Variants in ABCB1 observed in about 807,000 individuals in gnomAD.
ABCB1 encodes the protein ATP binding cassette subfamily B member 1.
ABCB1 carries 69 observed loss-of-function variants against 142.0 expected under a neutral mutation model. That is an observed-to-expected ratio of 0.49 (90% CI 0.40 to 0.59). The LOEUF is 0.59. Ranked by LOEUF, ABCB1 falls within the 20% of genes least tolerant of loss-of-function variation. The pLI is 0.00. For synonymous variants in ABCB1, 532 were observed against 539.2 expected (o/e 0.99, Z 0.18); for missense variants, 1,326 against 1,554.7 (o/e 0.85, Z 2.47).
At chr7:87,623,867 A>G (rs914552728) in intron 1 of ABCB1, among the ~76,000 whole-genome samples, 3 of 152,138 alleles carry the variant, frequency 2.0e-5, no homozygotes, top group African/African-American at 7.2e-5. Flanking sequence ...ATAAAACACC[A>G]ATGTCCCTCT....
rs544731213 is a variant in ABCB1, at chr7:87,516,956, C to G, written c.2928-291G>C. 2.0e-5 allele frequency among the ~76,000 whole-genome samples: 3 copies of G among 151,896 alleles called. 1 individual carries two copies. The highest frequency in any genetic ancestry group is 7.2e-5 in the African/African-American group (3 of 41,432). ...CTCCCTATATTGCCCAGGCTGGTCT[C>G]GAACTACCGGGCTGAAGTGAACCTC... On this transcript the variant is annotated intron_variant, in intron 23 of 27. Coordinates refer to ENST00000622132, the MANE Select transcript of ABCB1 (RefSeq NM_001348946.2).
At chr7:87,622,970 G>A (rs1820277931) in intron 1 of ABCB1, among the ~76,000 whole-genome samples, 1 of 152,108 alleles carries the variant, frequency 6.6e-6, no homozygotes, top group Admixed American at 6.5e-5. Flanking sequence ...CTTGAGCCCA[G>A]GAGTTCAAGG....
At chr7:87,544,351 A>G in intron 16 of ABCB1, 76 bp from the exon 17 acceptor site, 5 of 1,442,974 alleles carry the variant, frequency 3.5e-6, no homozygotes, top group Non-Finnish European at 4.8e-6. Context: ...CACAAAAATT[A>G]GTAAAGGAAT....
Position 87,624,910 on chromosome 7 carries a change from T to C in ABCB1, c.-330-23832A>G, listed in dbSNP as rs984191738. ...ACACAGCTTGTTTATGGCAAAGTCT[T>C]GGTAAGCAAGTACTAACATGTCAAC... On this transcript the variant is annotated intron_variant, in intron 1 of 28. Transcript: ENST00000265724. Among the ~76,000 whole-genome samples, 4 of 152,240 alleles carry C rather than the reference T, an allele frequency of 2.6e-5. No homozygotes were observed. In the East Asian group the frequency reaches 7.7e-4, roughly 29 times the overall value.
chr7:87,585,528 TG>T lies in ABCB1; in HGVS notation c.269del (p.Ser90Ter), dbSNP rs756121403. ...AATACTTACTTCTATTAGTGATGTT[TG>T]ACATCAGATCTTCTAAATTTCCTGC... ...ANAGNLEDLM[S>X]NITNRSDIND... is the part of the protein sequence containing the mutation. On this transcript the variant is annotated frameshift_variant, in exon 4 of 28. Coordinates refer to ENST00000622132, the MANE Select transcript of ABCB1 (RefSeq NM_001348946.2). LOFTEE classifies it high-confidence loss of function. The T allele has an allele frequency of 6.2e-7, 1 of 1,613,800 alleles. No individual in the cohort carries two copies.
At chr7:87,704,764 T>C (rs1232934209) in intron 1 of ABCB1, among the ~76,000 whole-genome samples, 1 of 152,216 alleles carries the variant, frequency 6.6e-6, no homozygotes, top group East Asian at 1.9e-4. Context: ...TGCCTAGTTA[T>C]GCTGGGAAGA....
chr7:87,539,276 G>T lies in ABCB1; in HGVS notation c.2389C>A (p.Leu797Ile), dbSNP rs751041906. 3 of 1,613,956 alleles carry T rather than the reference G, an allele frequency of 1.9e-6. No homozygotes were observed. The African/African-American group carries it at 4.0e-5, about 22-fold the overall frequency. Residue 797 changes from leucine to isoleucine, a missense_variant, in exon 19 of 28, where the codon CTC (leucine) becomes ATC (isoleucine). By Grantham distance (5) the Leu-to-Ile change is conservative. Coordinates refer to ENST00000622132, the MANE Select transcript of ABCB1 (RefSeq NM_001348946.2). ...GCCCTCGATAGACATACCTGTCTGA[G>T]CATGGATCGGAAAACCATGTATCGG... ...RLRYMVFRSM[L>I]RQDVSWFDDP...
chr7:87,558,421 A>G lies in ABCB1; in HGVS notation c.827+2842T>C, dbSNP rs372807102. On this transcript the variant is annotated intron_variant, in intron 8 of 27. Coordinates refer to ENST00000622132, the MANE Select transcript of ABCB1 (RefSeq NM_001348946.2). Reference sequence around the variant, plus strand: ...AGATCTTATTGTATTTTGTTAGCTTATAAAACCTACTGGAATTTCTGTGTA... The same window carrying G: ...AGATCTTATTGTATTTTGTTAGCTTGTAAAACCTACTGGAATTTCTGTGTA... 2.6e-5 allele frequency among the ~76,000 whole-genome samples: 4 copies of G among 152,328 alleles called. No individual in the cohort carries two copies. The East Asian group carries it at 5.8e-4, about 22-fold the overall frequency.
At chr7:87,519,218 C>A (rs761071267) in intron 23 of ABCB1, 108 bp downstream of exon 23, 6 of 1,126,404 alleles carry the variant, frequency 5.3e-6, no homozygotes, top group African/African-American at 4.6e-5. Context: ...TTAGGAATCA[C>A]CAGAATCTCT....
chr7:87,659,584 A>G (rs886443406), intron 1 of ABCB1, among the ~76,000 whole-genome samples: 1 of 152,118 alleles, frequency 6.6e-6, no homozygotes, highest in Non-Finnish European at 1.5e-5. Flanking sequence ...ACCACCAAAG[A>G]TAATTTAGAA....
Position 87,503,345 on chromosome 7 carries a change from T to C in ABCB1, c.*898A>G, listed in dbSNP as rs918726727. ...AATATATTTTTTTCTTTTTTTATCA[T>C]GTTTGTATCAAGATGTAGTTAAACT... is the stretch of plus-strand genomic sequence containing the variant. On this transcript the variant is annotated 3_prime_UTR_variant, in exon 28 of 28. Transcript: ENST00000622132. Among the ~76,000 whole-genome samples the C allele has an allele frequency of 2.6e-5, 4 of 152,144 alleles. No homozygotes were observed. Among genetic ancestry groups the C allele is most frequent in the African/African-American group, 9.7e-5 (4 of 41,438 alleles).
At chr7:87,629,242 G>A in intron 1 of ABCB1, 1 of 314,092 alleles carries the variant, frequency 3.2e-6, no homozygotes, top group East Asian at 5.0e-5. Context: ...AGTGAAAGAG[G>A]AGGGCAAGGA....
At chr7:87,648,413 A>G (rs912612693) in intron 1 of ABCB1, among the ~76,000 whole-genome samples, 1 of 152,110 alleles carries the variant, frequency 6.6e-6, no homozygotes, top group Non-Finnish European at 1.5e-5. Context: ...TCCCAGAGGA[A>G]GTGACACTGA....
chr7:87,549,547 CA>C (rs1255527810), intron 13 of ABCB1, 29 bp from the exon 14 acceptor site: 19 of 1,614,178 alleles, frequency 1.2e-5, no homozygotes, highest in Non-Finnish European at 1.6e-5. Flanking sequence ...AATGATTTAG[CA>C]TAAGGACAAG....
intron 21 of ABCB1, chr7:87,521,923 G>A (rs1815527558): frequency 1.4e-5 from 11 of 778,778 alleles, no homozygotes; most frequent in Admixed American, 1.0e-4. Flanking sequence ...AACTTTTGAC[G>A]ACCATGACTC....
Position 87,509,304 on chromosome 7 carries a change from T to C in ABCB1, c.3460A>G (p.Ile1154Val), listed in dbSNP as rs1814897754. Reference protein sequence around the residue: ...EIVRAAKEANIHAFIESLPNK... With the variant: ...EIVRAAKEANVHAFIESLPNK... ...GGCAGTGACTCGATGAAGGCATGTATGTTGGCCTCCTTTGCTGCCCTCACA... is the reference window on the plus strand; with the variant it reads ...GGCAGTGACTCGATGAAGGCATGTACGTTGGCCTCCTTTGCTGCCCTCACA... Residue 1154 changes from isoleucine (I) to valine (V), a missense_variant, in exon 26 of 28, where the codon ATA becomes GTA. Ile to Val is a conservative substitution (Grantham distance 29). Transcript: ENST00000622132. 1.2e-6 allele frequency: 2 copies of C among 1,614,050 alleles called. No homozygotes were observed. The highest frequency in any genetic ancestry group is 1.7e-6 in the Non-Finnish European group (2 of 1,180,036).
chr7:87,506,544 GATGC>G (rs1251339293), intron 26 of ABCB1, among the ~76,000 whole-genome samples: 10 of 151,336 alleles, frequency 6.6e-5, no homozygotes, highest in Non-Finnish European at 4.4e-5. Context: ...AATTTTAATG[GATGC>G]TATCAAAATG....
In ABCB1 at chr7:87,504,943, G is replaced by A. The variant is rs150407341; in HGVS notation, c.3637-494C>T. ...CTGAACCCTAATTTGGGTTAGTTCC[G>A]AGGCAGCAGTTATCTATCCCTAACT... is the stretch of plus-strand genomic sequence containing the variant. On this transcript the variant is annotated intron_variant, in intron 27 of 27. Coordinates refer to ENST00000622132, the MANE Select transcript of ABCB1 (RefSeq NM_001348946.2). 1.7e-3 allele frequency among the ~76,000 whole-genome samples: 253 copies of A among 152,040 alleles called. 2 individuals are homozygous for A. Among genetic ancestry groups the A allele is most frequent in the African/African-American group, 5.3e-3 (218 of 41,500 alleles).
chr7:87,701,135 G>GA (rs536455130), intron 1 of ABCB1, among the ~76,000 whole-genome samples: 2 of 152,158 alleles, frequency 1.3e-5, no homozygotes, highest in Non-Finnish European at 2.9e-5. Context: ...GTTGCTTCAA[G>GA]AAAAACACTT....
Sources: gnomAD v4.1 joint callset for allele counts (sites outside exome capture counted in the v4.1 genomes callset) on GRCh38, gnomAD v4.1.1 for gene constraint, MANE v1.5 for transcripts, NCBI Gene and HGNC (gene_info 2026-07-23, HGNC 2026-07-21) for gene names.